PPP1R12A: variants seen among roughly 807,000 people sequenced by gnomAD.
PPP1R12A encodes the protein protein phosphatase 1 regulatory subunit 12A.
PPP1R12A carries 19 observed loss-of-function variants against 139.6 expected under a neutral mutation model. That is an observed-to-expected ratio of 0.14 (90% CI 0.09 to 0.20). PPP1R12A has a LOEUF of 0.20. Among genes scored for constraint, PPP1R12A ranks in the 10% least tolerant of loss-of-function variants. The pLI is 1.00. For synonymous variants in PPP1R12A, 427 were observed against 420.6 expected, an observed-to-expected ratio of 1.02 and a Z score of -0.19; for missense variants, 925 against 1,211.5, an observed-to-expected ratio of 0.76 and a Z score of 3.51.
intron 18 of PPP1R12A, 143 bp from the exon 19 acceptor site, chr12:79,794,071 C>T: frequency 1.6e-6 from 1 of 611,074 alleles, no homozygotes; most frequent in Non-Finnish European, 2.7e-6. Context: ...CTAGGATTTT[C>T]TTCTAAATAA....
At chr12:79,923,905 G>A (rs931969720) in intron 1 of PPP1R12A, among the ~76,000 whole-genome samples, 11 of 152,042 alleles carry the variant, frequency 7.2e-5, no homozygotes, top group East Asian at 5.8e-4. Flanking sequence ...TTAGCCGGGC[G>A]TGGTGGTGGA....
chr12:79,781,946 A>G (rs1870500390), intron 22 of PPP1R12A, 84 bp from the exon 23 acceptor site: 2 of 684,452 alleles, frequency 2.9e-6, no homozygotes, highest in Admixed American at 3.0e-5. Context: ...AATAGGTATT[A>G]AATCACAATA....
intron 1 of PPP1R12A, among the ~76,000 whole-genome samples, chr12:79,873,496 TAAA>T (rs35604870): frequency 7.4e-6 from 1 of 134,800 alleles, no homozygotes. Context: ...ACTCATAATT[TAAA>T]AAAAAAAAAA....
intron 2 of PPP1R12A, among the ~76,000 whole-genome samples, chr12:79,863,023 C>G (rs1185855128): frequency 6.6e-6 from 1 of 152,058 alleles, no homozygotes; most frequent in Non-Finnish European, 1.5e-5. Flanking sequence ...TTGTCAGGTT[C>G]ACCAAAGTTG....
intron 9 of PPP1R12A, among the ~76,000 whole-genome samples, chr12:79,816,636 G>C (rs183028937): frequency 1.2e-4 from 19 of 152,234 alleles, no homozygotes; most frequent in Non-Finnish European, 2.5e-4. Flanking sequence ...TCGGTGGAGA[G>C]AAGAGATGAG....
intron 1 of PPP1R12A, among the ~76,000 whole-genome samples, chr12:79,929,453 T>C (rs573070869): frequency 3.9e-5 from 6 of 152,280 alleles, no homozygotes; most frequent in African/African-American, 1.2e-4. Flanking sequence ...TAAAATTTAA[T>C]AGAAAGGAGG....
intron 1 of PPP1R12A, among the ~76,000 whole-genome samples, chr12:79,904,397 T>C (rs1410361090): frequency 6.6e-6 from 1 of 152,110 alleles, no homozygotes; most frequent in African/African-American, 2.4e-5. Context: ...ACACTTTCTG[T>C]ATGTGCCCCA....
intron 23 of PPP1R12A, chr12:79,779,326 A>G: frequency 7.8e-7 from 1 of 1,289,144 alleles, no homozygotes; most frequent in Non-Finnish European, 1.0e-6. Context: ...CATACCGCCC[A>G]GAAGATACTG....
chr12:79,801,738 C>T (rs1008359387), intron 14 of PPP1R12A, among the ~76,000 whole-genome samples: 1 of 152,046 alleles, frequency 6.6e-6, no homozygotes. Flanking sequence ...CTAAGATGAC[C>T]AGGTAATTTC....
intron 9 of PPP1R12A, 102 bp from the exon 10 acceptor site, chr12:79,810,112 T>C (rs1030549639): frequency 1.1e-6 from 1 of 941,834 alleles, no homozygotes; most frequent in Non-Finnish European, 1.5e-6. Flanking sequence ...TTTAAAATTA[T>C]GGTTTACAGT....
chr12:79,843,625 TATA>T (rs1879030701), intron 3 of PPP1R12A, among the ~76,000 whole-genome samples: 1 of 113,786 alleles, frequency 8.8e-6, no homozygotes, highest in Non-Finnish European at 1.7e-5. Context: ...TAGATATAGA[TATA>T]GATATAGATA....
At chr12:79,929,074 G>A (rs1888058807) in intron 1 of PPP1R12A, among the ~76,000 whole-genome samples, 1 of 152,202 alleles carries the variant, frequency 6.6e-6, no homozygotes, top group South Asian at 2.1e-4. Context: ...GTGGGTTGGG[G>A]AGTGGGGCCG....
intron 1 of PPP1R12A, among the ~76,000 whole-genome samples, chr12:79,878,832 A>G (rs1286951681): frequency 6.6e-6 from 1 of 152,110 alleles, no homozygotes; most frequent in Non-Finnish European, 1.5e-5. Flanking sequence ...CTCCCACAAC[A>G]CATGGGGATT....
intron 14 of PPP1R12A, among the ~76,000 whole-genome samples, chr12:79,804,086 C>G (rs1401550663): frequency 6.6e-6 from 1 of 152,014 alleles, no homozygotes; most frequent in Non-Finnish European, 1.5e-5. Context: ...AGAAGAGTTT[C>G]TGACTCAAAG....
chr12:79,893,211 C>G (rs1417480715), intron 1 of PPP1R12A, among the ~76,000 whole-genome samples: 1 of 151,970 alleles, frequency 6.6e-6, no homozygotes, highest in Non-Finnish European at 1.5e-5. Flanking sequence ...TTAGACCCTA[C>G]AGATTTCTCC....
At chr12:79,805,408 G>A (rs540842536) in intron 14 of PPP1R12A, among the ~76,000 whole-genome samples, 184 bp downstream of exon 14, 4 of 152,204 alleles carry the variant, frequency 2.6e-5, no homozygotes, top group African/African-American at 7.2e-5. Flanking sequence ...GAGGTGAGTC[G>A]CAAAGCCTAA....
At chr12:79,914,408 A>G (rs1886830866) in intron 1 of PPP1R12A, among the ~76,000 whole-genome samples, 1 of 152,030 alleles carries the variant, frequency 6.6e-6, no homozygotes. Context: ...ACCCAGTTTT[A>G]TTTATTTGGC....
At chr12:79,795,055 C>T (rs780721103) in intron 18 of PPP1R12A, among the ~76,000 whole-genome samples, 23 of 151,908 alleles carry the variant, frequency 1.5e-4, no homozygotes, top group Non-Finnish European at 2.9e-4. Context: ...TCCTATTGTG[C>T]TAATCCATTA....
At chr12:79,892,829 C>A (rs1018744922) in intron 1 of PPP1R12A, among the ~76,000 whole-genome samples, 1 of 152,090 alleles carries the variant, frequency 6.6e-6, no homozygotes, top group South Asian at 2.1e-4. Context: ...TGAGGTCAGG[C>A]GTGGTGGCTC....
Sources: allele counts gnomAD v4.1 joint callset (sites outside exome capture counted in the v4.1 genomes callset), GRCh38; gene constraint gnomAD v4.1.1; transcripts MANE v1.5; gene names NCBI Gene and HGNC (gene_info 2026-07-23, HGNC 2026-07-21).